Variants in NMNAT3 observed in about 807,000 individuals in gnomAD.
NMNAT3 encodes nicotinamide nucleotide adenylyltransferase 3.
Under a neutral mutation model 24.8 loss-of-function variants are expected in NMNAT3, and 21 were observed. That is an observed-to-expected ratio of 0.85 (90% CI 0.60 to 1.22). The LOEUF is 1.22. Ranked by LOEUF, NMNAT3 falls within the 50% of genes most tolerant of loss-of-function variation. NMNAT3 has a pLI of 0.00. For missense variants in NMNAT3, 387 were observed against 436.6 expected (o/e 0.89, Z 1.01); for synonymous variants, 136 against 155.2 (o/e 0.88, Z 0.92).
intron 3 of NMNAT3, among the ~76,000 whole-genome samples, chr3:139,612,313 C>T (rs1420462597): frequency 6.6e-6 from 1 of 152,096 alleles, no homozygotes; most frequent in Non-Finnish European, 1.5e-5. Context: ...TCATGGCTAG[C>T]AAGAGTTCAC....
chr3:139,627,755 G>T lies in NMNAT3; in HGVS notation c.-31C>A. ...CAGGCACATCCACACCTGTTGCAGT[G>T]GCCACCCTGCTTTTATGGGGACAAA... is the stretch of plus-strand genomic sequence containing the variant. On this transcript the variant is annotated 5_prime_UTR_variant, in exon 3 of 7. Coordinates refer to ENST00000643695, the MANE Select transcript of NMNAT3 (RefSeq NM_001320510.2). 7.3e-7 allele frequency: 1 copy of T among 1,372,464 alleles called. No homozygotes were observed. The highest frequency in any genetic ancestry group is 1.0e-6 in the Non-Finnish European group (1 of 996,410). 85.0% of individuals were successfully genotyped at this position (1,372,464 alleles called of 1,614,324 possible).
At chr3:139,646,092 TG>T (rs929583714) in intron 1 of NMNAT3, among the ~76,000 whole-genome samples, 3 of 151,288 alleles carry the variant, frequency 2.0e-5, no homozygotes, top group Non-Finnish European at 4.4e-5. Flanking sequence ...GTAGGTGGGG[TG>T]GGGGCAGTAG....
chr3:139,663,739 C>T (rs550322984), intron 1 of NMNAT3, among the ~76,000 whole-genome samples: 8 of 152,340 alleles, frequency 5.3e-5, no homozygotes, highest in South Asian at 2.1e-4. Context: ...AAGTCAGGAC[C>T]TACTGAGCCC....
chr3:139,625,717 GC>G (rs909764561), intron 3 of NMNAT3, among the ~76,000 whole-genome samples: 2 of 151,898 alleles, frequency 1.3e-5, no homozygotes, highest in African/African-American at 4.8e-5. Context: ...TTATATAATT[GC>G]CCTATGTTGT....
At chr3:139,569,272 C>CTAA (rs1553735653) in intron 6 of NMNAT3, 2 of 151,792 alleles carry the variant, frequency 1.3e-5, no homozygotes, top group Non-Finnish European at 2.9e-5. Flanking sequence ...ATACAGCACA[C>CTAA]TGATGGGTCT....
At position 139,578,976 on chromosome 3, in the gene NMNAT3, G is replaced by T; in HGVS notation, c.471C>A (p.His157Gln). The T allele has an allele frequency of 6.2e-7, 1 of 1,614,228 alleles. No homozygotes were observed. The highest frequency in any genetic ancestry group is 8.5e-7 in the Non-Finnish European group (1 of 1,180,040). The change falls in exon 5 of 7, where the codon CAC becomes CAA. Residue 157 changes from histidine to glutamine, a missense_variant. His to Gln is a conservative substitution (Grantham distance 24). This residue lies in a region of NMNAT3 where 323 missense variants were observed against 345.2 expected (regional missense o/e 0.94). Transcript: ENST00000643695. ...GGGCCAGCCGGGCCATGGCCACTCG[G>T]TGATGAGAAGCTGCGAGGTCTTTCT...
intron 5 of NMNAT3, among the ~76,000 whole-genome samples, chr3:139,575,000 G>T (rs761296408): frequency 9.2e-5 from 14 of 152,166 alleles, no homozygotes; most frequent in Non-Finnish European, 2.1e-4. Context: ...GAGAGCTGGT[G>T]TGAGGATTAA....
chr3:139,656,514 A>G (rs994281741), intron 1 of NMNAT3, among the ~76,000 whole-genome samples: 3 of 152,156 alleles, frequency 2.0e-5, no homozygotes, highest in African/African-American at 7.2e-5. Flanking sequence ...AAAAACAAGC[A>G]GCTACTTAAA....
intron 1 of NMNAT3, among the ~76,000 whole-genome samples, chr3:139,642,570 G>A (rs2056741300): frequency 6.6e-6 from 1 of 152,148 alleles, no homozygotes; most frequent in African/African-American, 2.4e-5. Context: ...CATTATTTTT[G>A]GTTGGCACTG....
chr3:139,643,623 G>A (rs2056778423), intron 1 of NMNAT3, among the ~76,000 whole-genome samples: 1 of 152,114 alleles, frequency 6.6e-6, no homozygotes, highest in Admixed American at 6.6e-5. Context: ...GTAAAAATAA[G>A]CCAGTCACAA....
intron 1 of NMNAT3, among the ~76,000 whole-genome samples, chr3:139,670,478 C>A (rs923586938): frequency 6.6e-6 from 1 of 152,230 alleles, no homozygotes; most frequent in African/African-American, 2.4e-5. Flanking sequence ...AATTTCCCTA[C>A]CTTTTGCTAG....
intron 2 of NMNAT3, among the ~76,000 whole-genome samples, chr3:139,632,677 AG>A (rs2056346598): frequency 6.6e-6 from 1 of 152,224 alleles, no homozygotes; most frequent in Non-Finnish European, 1.5e-5. Context: ...ATGCAGATGC[AG>A]CCCTCACCCT....
chr3:139,577,155 G>T (rs756405801), intron 5 of NMNAT3, among the ~76,000 whole-genome samples: 1 of 151,908 alleles, frequency 6.6e-6, no homozygotes, highest in Non-Finnish European at 1.5e-5. Context: ...GAAAATGAAT[G>T]CGTTCAGTAC....
chr3:139,599,407 C>T (rs146752884), intron 3 of NMNAT3: 2 of 702,434 alleles, frequency 2.8e-6, no homozygotes, highest in African/African-American at 1.7e-5. Flanking sequence ...CCATTTTCTT[C>T]TTCCCTTGGT....
chr3:139,567,790 G>C (rs1390144716), intron 6 of NMNAT3: 8 of 152,168 alleles, frequency 5.3e-5, no homozygotes, highest in African/African-American at 1.9e-4. Context: ...AAGGATATTG[G>C]TCTAAAATTC....
chr3:139,652,051 C>G (rs951930788), intron 1 of NMNAT3, among the ~76,000 whole-genome samples: 3 of 152,174 alleles, frequency 2.0e-5, no homozygotes, highest in Non-Finnish European at 2.9e-5. Flanking sequence ...ATTCTAGGCC[C>G]TTGTCTAGAG....
intron 3 of NMNAT3, among the ~76,000 whole-genome samples, chr3:139,604,550 C>A (rs1474388425): frequency 2.0e-5 from 3 of 152,116 alleles, no homozygotes; most frequent in Non-Finnish European, 4.4e-5. Context: ...TCCTAATGAA[C>A]AAACTGTGGC....
intron 1 of NMNAT3, chr3:139,672,728 G>A (rs1271072674): frequency 6.6e-6 from 1 of 152,222 alleles, no homozygotes; most frequent in East Asian, 1.9e-4. Flanking sequence ...AGGGATTGGA[G>A]ATGTATTTTG....
At chr3:139,633,883 T>C (rs1166882095) in intron 2 of NMNAT3, among the ~76,000 whole-genome samples, 1 of 152,206 alleles carries the variant, frequency 6.6e-6, no homozygotes, top group Non-Finnish European at 1.5e-5. Flanking sequence ...AACAGGGATG[T>C]GACTTGCTCA....
Sources: gnomAD v4.1 joint callset for allele counts (sites outside exome capture counted in the v4.1 genomes callset) on GRCh38, gnomAD v4.1.1 for gene constraint, gnomAD v4.1.1 regional missense constraint, MANE v1.5 for transcripts, NCBI Gene and HGNC (gene_info 2026-07-23, HGNC 2026-07-21) for gene names.